AGMO: variants seen among roughly 807,000 people sequenced by gnomAD.
AGMO encodes the protein alkylglycerol monooxygenase, also known as glyceryl-ether monooxygenase.
A neutral mutation model predicts 60.2 loss-of-function variants in AGMO; 75 were observed. The observed-to-expected ratio is 1.25, with a 90% CI of 1.03 to 1.51. AGMO has a LOEUF of 1.51. AGMO is among the 40% of genes most tolerant of loss of function. AGMO has a pLI of 0.00. For missense variants in AGMO, 763 were observed against 525.5 expected (o/e 1.45, Z -4.42); for synonymous variants, 261 against 177.1 (o/e 1.47, Z -3.76).
rs1259049349 is a variant in AGMO, at chr7:15,560,204, G to A, written c.194C>T (p.Pro65Leu). The A allele has an allele frequency of 1.2e-6, 2 of 1,613,206 alleles. No homozygotes were observed. The highest frequency in any genetic ancestry group is 1.1e-5 in the South Asian group (1 of 91,040). Residue 65 changes from proline (P) to leucine (L), a missense_variant, in exon 2 of 13, where the codon CCA becomes CTA. Pro to Leu is a moderately conservative substitution (Grantham distance 98). Coordinates refer to ENST00000342526, the MANE Select transcript of AGMO (RefSeq NM_001004320.2). ...TAAAGCATCATCCAGGCGACCTGGT[G>A]GCTTTCCTTTGAGAATCCAGCTGAC... ...LVVSWILKGK[P>L]PGRLDDALTS...
chr7:15,499,727 T>A (rs1783327001), intron 3 of AGMO, among the ~76,000 whole-genome samples: 1 of 151,698 alleles, frequency 6.6e-6, no homozygotes, highest in African/African-American at 2.4e-5. Context: ...CTGAGCTAAT[T>A]CAAATGTTCA....
At chr7:15,351,209 C>T (rs558673051) in intron 12 of AGMO, among the ~76,000 whole-genome samples, 1 of 152,102 alleles carries the variant, frequency 6.6e-6, no homozygotes, top group Non-Finnish European at 1.5e-5. Flanking sequence ...GGAAAGGGTC[C>T]TCATGAAAAT....
chr7:15,146,938 CAT>C, the AGMO span, among the ~76,000 whole-genome samples: 4 of 152,132 alleles, frequency 2.6e-5, no homozygotes, highest in Admixed American at 6.5e-5. Context: ...AATAAATTAA[CAT>C]ATGTATTTTT....
chr7:15,370,678 G>GTA (rs1783174195), intron 10 of AGMO, among the ~76,000 whole-genome samples: 1 of 152,056 alleles, frequency 6.6e-6, no homozygotes, highest in Non-Finnish European at 1.5e-5. Flanking sequence ...TTGGATACTT[G>GTA]TATGTCTGCT....
the AGMO span, among the ~76,000 whole-genome samples, chr7:15,182,501 T>C: frequency 2.0e-5 from 3 of 152,176 alleles, no homozygotes; most frequent in African/African-American, 7.2e-5. Context: ...TTGCAACCTC[T>C]GCCTCCTGGG....
intron 12 of AGMO, among the ~76,000 whole-genome samples, chr7:15,238,659 T>C (rs1352911333): frequency 6.6e-6 from 1 of 151,756 alleles, no homozygotes; most frequent in Non-Finnish European, 1.5e-5. Flanking sequence ...TTATATAAAT[T>C]AAAATTATTA....
the AGMO span, among the ~76,000 whole-genome samples, chr7:15,178,544 TTGC>T: frequency 6.6e-6 from 1 of 152,150 alleles, no homozygotes; most frequent in Admixed American, 6.6e-5. Context: ...ATCTTTTGTT[TTGC>T]TGCTTTTTTT....
At chr7:15,430,676 T>C (rs4640952) in intron 4 of AGMO, among the ~76,000 whole-genome samples, 75,709 of 148,992 alleles carry the variant, frequency 0.51, 19,465 homozygotes, top group Middle Eastern at 0.64. Context: ...AAATCCTTGT[T>C]ACATATATTT....
intron 3 of AGMO, among the ~76,000 whole-genome samples, chr7:15,456,786 C>A (rs894860652): frequency 6.6e-6 from 1 of 152,076 alleles, no homozygotes; most frequent in Admixed American, 6.6e-5. Flanking sequence ...TGGCTCTGTG[C>A]GCTACTATTT....
chr7:15,164,323 T>C, the AGMO span, among the ~76,000 whole-genome samples: 1 of 151,962 alleles, frequency 6.6e-6, no homozygotes, highest in South Asian at 2.1e-4. Flanking sequence ...TATCTGGACA[T>C]TGGCCTAGGT....
chr7:15,124,685 G>A, the AGMO span, among the ~76,000 whole-genome samples: 1 of 152,090 alleles, frequency 6.6e-6, no homozygotes, highest in Non-Finnish European at 1.5e-5. Flanking sequence ...TATAACTAAA[G>A]ATGGACATGT....
intron 4 of AGMO, among the ~76,000 whole-genome samples, chr7:15,428,577 A>C (rs927674724): frequency 6.6e-6 from 1 of 152,168 alleles, no homozygotes; most frequent in Non-Finnish European, 1.5e-5. Flanking sequence ...AGATTACAAT[A>C]AACTGGACTC....
intron 12 of AGMO, among the ~76,000 whole-genome samples, chr7:15,227,237 ATCAGCCAATCACATCAAGCAAACT>A (rs1261787618): frequency 3.2e-4 from 48 of 152,160 alleles, no homozygotes; most frequent in Middle Eastern, 3.4e-3. Context: ...ATAGCTGAGT[ATCAGCCAATCACATCAAGCAAACT>A]TCAGCCAATC....
intron 4 of AGMO, among the ~76,000 whole-genome samples, chr7:15,426,727 G>A (rs372897316): frequency 8.6e-5 from 13 of 151,990 alleles, no homozygotes; most frequent in East Asian, 1.9e-4. Flanking sequence ...CAACCTGGGC[G>A]ACAGAGTGAC....
chr7:15,454,900 C>G (rs541508671), intron 3 of AGMO, among the ~76,000 whole-genome samples: 1 of 152,230 alleles, frequency 6.6e-6, no homozygotes, highest in South Asian at 2.1e-4. Flanking sequence ...TTCCCACTTA[C>G]CAGATGCAAC....
chr7:15,212,646 A>T (rs1285436544), intron 12 of AGMO, among the ~76,000 whole-genome samples: 1 of 151,990 alleles, frequency 6.6e-6, no homozygotes, highest in Non-Finnish European at 1.5e-5. Context: ...CAGCTATCTT[A>T]ACAAGGTTCT....
the AGMO span, among the ~76,000 whole-genome samples, chr7:15,191,468 C>A: frequency 6.6e-6 from 1 of 152,120 alleles, no homozygotes; most frequent in East Asian, 1.9e-4. Flanking sequence ...TGCAGATAAA[C>A]CACAGCCCAC....
chr7:15,535,955 G>C (rs1358755929), intron 3 of AGMO, among the ~76,000 whole-genome samples: 2 of 151,818 alleles, frequency 1.3e-5, no homozygotes, highest in African/African-American at 4.8e-5. Context: ...TGGGTACTCA[G>C]TTAATGTCTC....
At chr7:15,219,113 GT>G (rs1437563677) in intron 12 of AGMO, among the ~76,000 whole-genome samples, 3 of 152,102 alleles carry the variant, frequency 2.0e-5, no homozygotes, top group Admixed American at 1.3e-4. Context: ...TCTACACAAT[GT>G]TCATTAGCAT....
Sources: gnomAD v4.1 joint callset for allele counts (sites outside exome capture counted in the v4.1 genomes callset) on GRCh38, gnomAD v4.1.1 for gene constraint, MANE v1.5 for transcripts, NCBI Gene and HGNC (gene_info 2026-07-23, HGNC 2026-07-21) for gene names.